The following SCN11A variants were observed in gnomAD, a reference collection of about 807,000 sequenced individuals.
SCN11A encodes the protein sodium voltage-gated channel alpha subunit 11.
Under a neutral mutation model 162.2 loss-of-function variants are expected in SCN11A, and 122 were observed. The ratio of observed to expected loss-of-function variants is 0.75; its 90% CI spans 0.65 to 0.87. The LOEUF (loss-of-function observed/expected upper bound fraction) is 0.87, where lower values mean the gene tolerates loss of function less well. SCN11A is among the 40% of genes least tolerant of loss of function. The pLI, the probability that SCN11A is intolerant of heterozygous loss-of-function variation, is 0.00. For missense variants in SCN11A, 2,015 were observed against 2,181.6 expected, an observed-to-expected ratio of 0.92 and a Z score of 1.52; for synonymous variants, 758 against 751.5, an observed-to-expected ratio of 1.01 and a Z score of -0.14.
intron 28 of SCN11A, among the ~76,000 whole-genome samples, chr3:38,861,493 T>C (rs1489414878): frequency 6.6e-6 from 1 of 152,116 alleles, no homozygotes; most frequent in Non-Finnish European, 1.5e-5. Context: ...CTTTAAACTA[T>C]ACTACAAGGC....
rs200069569 is a variant in SCN11A, at chr3:38,925,481, T to A, written c.646A>T (p.Ile216Phe). 1 of 1,613,460 alleles carries A rather than the reference T, an allele frequency of 6.2e-7. No homozygotes were observed. Among genetic ancestry groups the A allele is most frequent in the Non-Finnish European group, 8.5e-7 (1 of 1,179,402 alleles). Residue 216 changes from isoleucine to phenylalanine, a missense_variant, in exon 9 of 30, where the codon ATC becomes TTC. Physicochemically the swap from Ile to Phe is conservative, Grantham distance 21. Transcript: ENST00000302328. ...AAGGTACGCAGGGGCAATAGTTTGA[T>A]GGTGATTCCTGGAATATATGACACA... ...AIVSYIPGIT[I>F]KLLPLRTFRV...
At chr3:38,872,018 G>A (rs902123572) in intron 24 of SCN11A, among the ~76,000 whole-genome samples, 175 bp downstream of exon 24, 1 of 152,154 alleles carries the variant, frequency 6.6e-6, no homozygotes, top group African/African-American at 2.4e-5. Context: ...AGCTTTTAGG[G>A]TAGAAAGTAT....
intron 29 of SCN11A, among the ~76,000 whole-genome samples, chr3:38,847,967 T>C (rs1471097603): frequency 6.6e-6 from 1 of 152,154 alleles, no homozygotes; most frequent in East Asian, 1.9e-4. Context: ...CATTTGTGTG[T>C]AGAAGAATTT....
chr3:38,960,865 ACATG>A (rs1358143190), intron 2 of SCN11A, among the ~76,000 whole-genome samples: 1 of 152,120 alleles, frequency 6.6e-6, no homozygotes, highest in African/African-American at 2.4e-5. Context: ...AATATTGATA[ACATG>A]CATGCTTATG....
chr3:38,872,864 C>A (rs1170106725), intron 23 of SCN11A, among the ~76,000 whole-genome samples: 1 of 151,838 alleles, frequency 6.6e-6, no homozygotes, highest in East Asian at 1.9e-4. Flanking sequence ...AATTGGTGAA[C>A]CTGAAGAAAG....
In SCN11A at chr3:38,909,029, CCTGAA is replaced by C. The variant is rs1311530756; in HGVS notation, c.1262_1266del (p.Phe421Ter). On this transcript the variant is annotated frameshift_variant, in exon 13 of 30. Transcript: ENST00000302328. LOFTEE classifies it high-confidence loss of function. ...TCCTCCTTTAACAGCTGCTGGGCTT[CCTGAA>C]ACATCTTTTCCTTGGCCTCTATCTC... 1 of 1,613,844 alleles carries C rather than the reference CCTGAA, an allele frequency of 6.2e-7. No homozygotes were observed. Among genetic ancestry groups the C allele is most frequent in the South Asian group, 1.1e-5 (1 of 91,072 alleles).
Position 38,905,197 on chromosome 3 carries a change from A to C in SCN11A, c.1598T>G (p.Met533Arg). The change falls in exon 15 of 30, where the codon ATG becomes AGG. Residue 533 changes from methionine to arginine, a missense_variant. Coordinates refer to ENST00000302328, the MANE Select transcript of SCN11A (RefSeq NM_001349253.2). ...GATTGGGATGTGGAACTTACCCTTC[A>C]TGGTGATGGTGAGGATGCTGACAGC... Reference protein sequence around the residue: ...LSAVSILTITMKEQEKSQEPC... With the variant: ...LSAVSILTITRKEQEKSQEPC... 4.3e-6 allele frequency: 7 copies of C among 1,614,046 alleles called. No individual in the cohort carries two copies. Among genetic ancestry groups the C allele is most frequent in the Non-Finnish European group, 5.9e-6 (7 of 1,179,940 alleles).
intron 2 of SCN11A, among the ~76,000 whole-genome samples, chr3:39,005,832 C>T (rs2030955541): frequency 6.6e-6 from 1 of 152,194 alleles, no homozygotes; most frequent in South Asian, 2.1e-4. Flanking sequence ...CCTCATTCTG[C>T]TTCCTGCCTC....
rs2065573624 is a variant in SCN11A, at chr3:38,895,035, C to A, written c.2404-71G>T. The A allele has an allele frequency of 2.2e-6, 3 of 1,391,176 alleles. No individual in the cohort carries two copies. In the Admixed American group the frequency reaches 7.2e-5, roughly 33 times the overall value. The allele number at this position is 1,391,176 out of a possible 1,614,324, so 86.2% of individuals were successfully genotyped here. On this transcript the variant is annotated intron_variant, in intron 18 of 29. Transcript: ENST00000302328. ...GAAAAGATATAGTGGGTTTCCAGGA[C>A]AACTTTTCCCCAAGACTAAAAACAG... is the stretch of plus-strand genomic sequence containing the variant.
rs955573846 is a variant in SCN11A at position 38,985,813 on chromosome 3, A to G, written c.-279-25390T>C. Among the ~76,000 whole-genome samples the G allele has an allele frequency of 7.9e-5, 12 of 151,046 alleles. 1 individual carries two copies. The highest frequency in any genetic ancestry group is 3.4e-3 in the Middle Eastern group (1 of 294). On this transcript the variant is annotated intron_variant, in intron 2 of 29. Transcript: ENST00000302328. ...CTTAAAATAGCCATAAGTGTTTACC[A>G]TCTCACAGTTTCTATGGGTCATGAA...
Position 38,847,387 on chromosome 3 carries a change from C to A in SCN11A, c.4683G>T (p.Leu1561=), listed in dbSNP as rs41285131. The change falls in exon 30 of 30, where the codon CTG becomes CTT. Residue 1561 remains leucine, a synonymous_variant. Transcript: ENST00000302328. ...AAGAGTTACATGATTCTTTTGATCGCAGCATGGGGCTGAGCAGGGAATCCC... is the reference window on the plus strand; with the variant it reads ...AAGAGTTACATGATTCTTTTGATCGAAGCATGGGGCTGAGCAGGGAATCCC... ...AGWDSLLSPM[L]RSKESCNSSS... is the part of the protein sequence containing the mutation. 6.2e-7 allele frequency: 1 copy of A among 1,614,132 alleles called. No individual in the cohort carries two copies. Among genetic ancestry groups the A allele is most frequent in the South Asian group, 1.1e-5 (1 of 91,072 alleles).
chr3:38,866,064 T>C (rs1408905175), intron 27 of SCN11A, among the ~76,000 whole-genome samples: 2 of 152,142 alleles, frequency 1.3e-5, no homozygotes, highest in Admixed American at 1.3e-4. Context: ...TAATCAGAGA[T>C]ACACAGAATT....
chr3:39,011,851 C>T (rs1469175677), intron 2 of SCN11A, among the ~76,000 whole-genome samples: 1 of 152,080 alleles, frequency 6.6e-6, no homozygotes, highest in Non-Finnish European at 1.5e-5. Context: ...TTGATAGTCA[C>T]TCAGATTACA....
chr3:38,940,430 TACA>T (rs2066423755), intron 7 of SCN11A, among the ~76,000 whole-genome samples: 1 of 152,180 alleles, frequency 6.6e-6, no homozygotes, highest in Non-Finnish European at 1.5e-5. Context: ...TCCTAGACAT[TACA>T]ACATTAGACA....
At chr3:38,992,092 A>G (rs1469717260) in intron 2 of SCN11A, among the ~76,000 whole-genome samples, 2 of 152,158 alleles carry the variant, frequency 1.3e-5, no homozygotes, top group African/African-American at 2.4e-5. Flanking sequence ...TACAGGCATG[A>G]GCCACCATGC....
chr3:38,984,908 C>T (rs34235284), intron 2 of SCN11A, among the ~76,000 whole-genome samples: 3,088 of 142,426 alleles, frequency 0.022, 322 homozygotes, highest in African/African-American at 0.087. Flanking sequence ...GACTCAGAAA[C>T]ACATTCAAGG....
chr3:38,925,585 A>C, intron 8 of SCN11A, 76 bp from the exon 9 acceptor site: 2 of 1,020,144 alleles, frequency 2.0e-6, no homozygotes, highest in Non-Finnish European at 3.1e-6. Flanking sequence ...CAAAAGCCAC[A>C]AGTAAGCTCA....
chr3:38,924,805 G>C (rs546986140), intron 9 of SCN11A, among the ~76,000 whole-genome samples: 1 of 151,822 alleles, frequency 6.6e-6, no homozygotes, highest in African/African-American at 2.4e-5. Context: ...AACTGTACCC[G>C]GCCCCCCCTT....
chr3:38,955,286 CA>C (rs956139212), intron 3 of SCN11A, among the ~76,000 whole-genome samples: 1 of 151,312 alleles, frequency 6.6e-6, no homozygotes, highest in African/African-American at 2.4e-5. Flanking sequence ...GACTCTGTCC[CA>C]AAAAAAATGA....
Sources: gnomAD v4.1 joint callset for allele counts (sites outside exome capture counted in the v4.1 genomes callset) on GRCh38, gnomAD v4.1.1 for gene constraint, MANE v1.5 for transcripts, NCBI Gene and HGNC (gene_info 2026-07-23, HGNC 2026-07-21) for gene names.